The following SHROOM4 variants were observed in gnomAD, a reference collection of about 807,000 sequenced individuals.
The protein encoded by SHROOM4 is protein Shroom4.
SHROOM4 carries 17 observed loss-of-function variants against 80.3 expected under a neutral mutation model. That is an observed-to-expected ratio of 0.21 (90% CI 0.14 to 0.32). SHROOM4 has a LOEUF of 0.32. Ranked by LOEUF, SHROOM4 falls within the 10% of genes least tolerant of loss-of-function variation. The pLI, the probability that SHROOM4 is intolerant of heterozygous loss-of-function variation, is 1.00. For missense variants in SHROOM4, 993 were observed against 1,140.3 expected (o/e 0.87, Z 1.86); for synonymous variants, 400 against 437.5 (o/e 0.91, Z 1.07).
chrX:50,678,926 G>A (rs1293797889), intron 2 of SHROOM4, among the ~76,000 whole-genome samples: 1 of 111,383 alleles, frequency 9.0e-6, no homozygotes, highest in Non-Finnish European at 1.9e-5. Flanking sequence ...ACTCTTCACT[G>A]AAATTGGGCC....
intron 1 of SHROOM4, among the ~76,000 whole-genome samples, chrX:50,719,148 C>T (rs782135112): frequency 8.3e-4 from 93 of 111,911 alleles, no homozygotes; most frequent in Non-Finnish European, 1.7e-3. Context: ...AACAATAGTC[C>T]TAGGAGGTCA....
chrX:50,687,842 C>T (rs946196099), intron 2 of SHROOM4, among the ~76,000 whole-genome samples: 1 of 109,546 alleles, frequency 9.1e-6, no homozygotes, highest in African/African-American at 3.4e-5. Context: ...TTTAAGTGAC[C>T]ACGAGAAATA....
intron 1 of SHROOM4, among the ~76,000 whole-genome samples, chrX:50,758,870 C>T (rs1935092226): frequency 1.8e-5 from 2 of 111,690 alleles, no homozygotes; most frequent in Admixed American, 1.9e-4. Flanking sequence ...TCTATTATTT[C>T]TTGAGCAGTT....
intron 1 of SHROOM4, among the ~76,000 whole-genome samples, chrX:50,800,147 C>A (rs782468591): frequency 2.7e-5 from 3 of 112,121 alleles, no homozygotes; most frequent in Non-Finnish European, 5.6e-5. Flanking sequence ...CAAGGCTCAC[C>A]CCACTTAGGT....
chrX:50,595,513 T>C lies in SHROOM4; in HGVS notation c.*1182A>G, dbSNP rs1471278955. ...TCTCCATTTCAGGAGATTTCTTTGG[T>C]TTCAAAAAGAAATCAGTAAGAAAAA... On this transcript the variant is annotated 3_prime_UTR_variant, in exon 9 of 9. Transcript: ENST00000376020. 5.4e-6 allele frequency: 1 copy of C among 186,191 alleles called. No homozygotes were observed. Among genetic ancestry groups the C allele is most frequent in the Non-Finnish European group, 1.0e-5 (1 of 100,238 alleles). The allele number at this position is 186,191 out of a possible 1,213,427, so 15.3% of individuals were successfully genotyped here.
chrX:50,592,668 T>C lies in SHROOM4; in HGVS notation c.*4027A>G, dbSNP rs1436739023. 4 of 120,097 alleles carry C rather than the reference T, an allele frequency of 3.3e-5. No homozygotes were observed. The highest frequency in any genetic ancestry group is 1.3e-4 in the African/African-American group (4 of 30,878). 9.9% of individuals were successfully genotyped at this position (120,097 alleles called of 1,213,427 possible). A position where few individuals can be genotyped will look rare whatever the true frequency, so the allele number is the denominator to read the frequency against. ...CTTTGAGGTTGCCTTGGAGAGCAGA[T>C]CACCAAGGCCCTTGCTTTCCAGGGA... On this transcript the variant is annotated 3_prime_UTR_variant, in exon 9 of 9. Coordinates refer to ENST00000376020, the MANE Select transcript of SHROOM4 (RefSeq NM_020717.5).
At chrX:50,789,737 C>A (rs1409766834) in intron 1 of SHROOM4, among the ~76,000 whole-genome samples, 1 of 112,130 alleles carries the variant, frequency 8.9e-6, no homozygotes, top group Non-Finnish European at 1.9e-5. Flanking sequence ...ACAAAATTGA[C>A]AAACCTTTGG....
At position 50,688,864 on chromosome X, in the gene SHROOM4, T is replaced by C. The variant is rs527832361; in HGVS notation, c.269+6922A>G. On this transcript the variant is annotated intron_variant, in intron 2 of 8. Coordinates refer to ENST00000376020, the MANE Select transcript of SHROOM4 (RefSeq NM_020717.5). ...GAGTAACTGGTTTTCTTGATAGTTATATTTTTCGTGGTCACTTAAATTGGC... is the reference window on the plus strand; with the variant it reads ...GAGTAACTGGTTTTCTTGATAGTTACATTTTTCGTGGTCACTTAAATTGGC... 1.4e-4 allele frequency among the ~76,000 whole-genome samples: 16 copies of C among 110,704 alleles called. No individual in the cohort carries two copies. In the East Asian group the frequency reaches 4.2e-3, roughly 29 times the overall value.
intron 5 of SHROOM4, among the ~76,000 whole-genome samples, chrX:50,618,958 C>T (rs1260765839): frequency 1.7e-4 from 19 of 111,573 alleles, no homozygotes; most frequent in Non-Finnish European, 1.9e-5. Flanking sequence ...AAGGCTTTAG[C>T]GCCTCACTGA....
intron 4 of SHROOM4, among the ~76,000 whole-genome samples, chrX:50,631,545 A>G (rs1234632639): frequency 8.9e-6 from 1 of 112,184 alleles, no homozygotes; most frequent in Non-Finnish European, 1.9e-5. Context: ...CTCCCAGAAA[A>G]GGGCATGTAC....
At chrX:50,606,873 G>A (rs782265302) in intron 6 of SHROOM4, among the ~76,000 whole-genome samples, 4 of 110,265 alleles carry the variant, frequency 3.6e-5, no homozygotes, top group Admixed American at 2.9e-4. Flanking sequence ...TTTGATGCTG[G>A]TGGTTGTGGG....
At position 50,635,181 on chromosome X, in the gene SHROOM4, C is replaced by T; in HGVS notation, c.892G>A (p.Ala298Thr). The T allele has an allele frequency of 1.7e-6, 2 of 1,204,711 alleles. No homozygotes were observed. Among genetic ancestry groups the T allele is most frequent in the Non-Finnish European group, 2.2e-6 (2 of 891,702 alleles). The change falls in exon 4 of 9, where the codon GCA becomes ACA. Residue 298 changes from alanine to threonine, a missense_variant. Coordinates refer to ENST00000376020, the MANE Select transcript of SHROOM4 (RefSeq NM_020717.5). ...GGCAAGGGGACCACAGGCTCAGATGCCCTGCGCTGCTCTCCATTGAGGAGT... is the reference window on the plus strand; with the variant it reads ...GGCAAGGGGACCACAGGCTCAGATGTCCTGCGCTGCTCTCCATTGAGGAGT... ...AQLLNGEQRR[A>T]SEPVVPLPQK...
intron 2 of SHROOM4, among the ~76,000 whole-genome samples, chrX:50,651,710 C>G (rs1329000882): frequency 1.8e-5 from 2 of 111,474 alleles, no homozygotes; most frequent in African/African-American, 3.3e-5. Context: ...TTAGGTATTT[C>G]TCCTAATGCT....
intron 1 of SHROOM4, among the ~76,000 whole-genome samples, chrX:50,799,748 C>T (rs1210784285): frequency 2.7e-5 from 3 of 112,047 alleles, no homozygotes; most frequent in African/African-American, 9.7e-5. Flanking sequence ...TACTGCCTCT[C>T]AGCTAAAGCA....
chrX:50,634,160 G>C lies in SHROOM4; in HGVS notation c.1913C>G (p.Ser638Cys), dbSNP rs200014853. The C allele has an allele frequency of 5.8e-5, 70 of 1,209,849 alleles. No homozygotes were observed. In the Middle Eastern group the frequency reaches 2.1e-3, roughly 36 times the overall value. ...ESPPLTASNT[S>C]LLSSCKKPPS... ...AGGTTTTTTACATGAAGATAGAAGA[G>C]ATGTGTTAGAGGCAGTGAGTGGAGG... The change falls in exon 4 of 9, where the codon TCT becomes TGT. Residue 638 changes from serine (S) to cysteine (C), a missense_variant. By Grantham distance (112) the Ser-to-Cys change is moderately radical. Coordinates refer to ENST00000376020, the MANE Select transcript of SHROOM4 (RefSeq NM_020717.5).
chrX:50,776,896 C>T (rs971521646), intron 1 of SHROOM4, among the ~76,000 whole-genome samples: 1 of 109,792 alleles, frequency 9.1e-6, no homozygotes, highest in Non-Finnish European at 1.9e-5. Context: ...ACTATATTGC[C>T]CAGGCTGTCT....
intron 1 of SHROOM4, among the ~76,000 whole-genome samples, chrX:50,743,546 G>A (rs1044174632): frequency 9.1e-6 from 1 of 110,125 alleles, no homozygotes; most frequent in Non-Finnish European, 1.9e-5. Flanking sequence ...GCCTTAACCC[G>A]GGCTCAAGCG....
intron 1 of SHROOM4, among the ~76,000 whole-genome samples, chrX:50,755,530 C>A (rs541993949): frequency 1.9e-4 from 21 of 111,924 alleles, no homozygotes; most frequent in African/African-American, 6.8e-4. Context: ...TAAAAACCAG[C>A]AACATAAGAC....
At chrX:50,810,834 G>C (rs1325899437) in intron 1 of SHROOM4, among the ~76,000 whole-genome samples, 1 of 112,218 alleles carries the variant, frequency 8.9e-6, no homozygotes, top group East Asian at 2.8e-4. Flanking sequence ...CATCAGTCTC[G>C]GGTTTTCCAT....
Sources: gnomAD v4.1 joint callset for allele counts (sites outside exome capture counted in the v4.1 genomes callset) on GRCh38, gnomAD v4.1.1 for gene constraint, MANE v1.5 for transcripts, NCBI Gene and HGNC (gene_info 2026-07-23, HGNC 2026-07-21) for gene names.